The following SIDT1 variants were observed in gnomAD, a reference collection of about 807,000 sequenced individuals.
The protein encoded by SIDT1 is SID1 transmembrane family member 1.
A neutral mutation model predicts 107.5 loss-of-function variants in SIDT1; 101 were observed. That is an observed-to-expected ratio of 0.94 (90% CI 0.80 to 1.11). The LOEUF (loss-of-function observed/expected upper bound fraction) is 1.11, where lower values mean the gene tolerates loss of function less well. Ranked by LOEUF, SIDT1 falls within the 50% of genes least tolerant of loss-of-function variation. The pLI, the probability that SIDT1 is intolerant of heterozygous loss-of-function variation, is 0.00. For synonymous variants in SIDT1, 395 were observed against 398.2 expected (o/e 0.99, Z 0.10); for missense variants, 1,076 against 1,058.2 (o/e 1.02, Z -0.23).
intron 3 of SIDT1, among the ~76,000 whole-genome samples, chr3:113,571,748 A>C (rs1391017761): frequency 1.3e-5 from 2 of 152,244 alleles, no homozygotes; most frequent in African/African-American, 4.8e-5. Flanking sequence ...AACCTGGCCA[A>C]TATGGTGAAA....
At chr3:113,581,544 G>T (rs1207635024) in intron 6 of SIDT1, 100 bp downstream of exon 6, 5 of 906,570 alleles carry the variant, frequency 5.5e-6, no homozygotes, top group Admixed American at 1.9e-5. Context: ...TCCATGATGT[G>T]CCTAGGATCT....
downstream of SIDT1, among the ~76,000 whole-genome samples, chr3:113,631,073 T>C (rs1947090147): frequency 7.3e-6 from 1 of 137,502 alleles, no homozygotes. Flanking sequence ...AATATCCTTA[T>C]TCCAACTGAG....
intron 1 of SIDT1, among the ~76,000 whole-genome samples, chr3:113,533,543 A>G (rs982113161): frequency 1.3e-5 from 2 of 152,160 alleles, no homozygotes; most frequent in African/African-American, 2.4e-5. Context: ...TTTCTCCAGG[A>G]AAGTCCTGAT....
chr3:113,571,102 T>C (rs1448038180), intron 3 of SIDT1, among the ~76,000 whole-genome samples: 1 of 152,238 alleles, frequency 6.6e-6, no homozygotes, highest in Non-Finnish European at 1.5e-5. Context: ...AATATGTCTC[T>C]CAATTCCATG....
intron 4 of SIDT1, among the ~76,000 whole-genome samples, chr3:113,580,206 A>C (rs1943221182): frequency 6.6e-6 from 1 of 152,124 alleles, no homozygotes; most frequent in African/African-American, 2.4e-5. Flanking sequence ...TCAATATGGA[A>C]TTTTCGTATG....
At chr3:113,565,808 T>C (rs560069750) in intron 1 of SIDT1, among the ~76,000 whole-genome samples, 1 of 152,310 alleles carries the variant, frequency 6.6e-6, no homozygotes, top group South Asian at 2.1e-4. Context: ...AGGCCATCTG[T>C]TAGGCTTTAA....
intron 9 of SIDT1, among the ~76,000 whole-genome samples, chr3:113,592,303 A>G (rs1944216532): frequency 6.6e-6 from 1 of 152,246 alleles, no homozygotes; most frequent in Non-Finnish European, 1.5e-5. Flanking sequence ...AAAAATCACA[A>G]TTATTTTCGC....
At chr3:113,604,487 C>A (rs2107679213) in intron 13 of SIDT1, among the ~76,000 whole-genome samples, 1 of 152,278 alleles carries the variant, frequency 6.6e-6, no homozygotes, top group East Asian at 1.9e-4. Flanking sequence ...AAGAGATAGG[C>A]CCTCATAAAT....
chr3:113,601,453 G>A lies in SIDT1; in HGVS notation c.1046-135G>A, dbSNP rs1162159971. The A allele has an allele frequency of 1.8e-5, 10 of 564,470 alleles. No homozygotes were observed. The East Asian group carries it at 3.1e-4, about 18-fold the overall frequency. The allele number at this position is 564,470 out of a possible 1,614,324, so 35.0% of individuals were successfully genotyped here. A position where few individuals can be genotyped will look rare whatever the true frequency, so the allele number is the denominator to read the frequency against. ...GATTTGGCAGATGGGTCATAGTTTT[G>A]GTGACTCCTGTATTAGTGTAAAAAG... On this transcript the variant is annotated intron_variant, in intron 10 of 24. Transcript: ENST00000264852.
intron 1 of SIDT1, among the ~76,000 whole-genome samples, chr3:113,544,731 A>G (rs1939380604): frequency 6.6e-6 from 1 of 152,154 alleles, no homozygotes; most frequent in Admixed American, 6.5e-5. Context: ...TTTCCCTATT[A>G]CTAGTATGGT....
chr3:113,584,781 C>G lies in SIDT1; in HGVS notation c.907+12C>G. On this transcript the variant is annotated intron_variant, in intron 8 of 24. Transcript: ENST00000264852. ...CCCTTCCATTAAAGGTCAGTGTTGG[C>G]TCCAGAATGCATTGAAGAGATTCCT... 6.4e-7 allele frequency: 1 copy of G among 1,556,472 alleles called. No individual in the cohort carries two copies. The highest frequency in any genetic ancestry group is 8.7e-7 in the Non-Finnish European group (1 of 1,152,220).
chr3:113,585,111 C>T, intron 8 of SIDT1, 66 bp from the exon 9 acceptor site: 1 of 1,147,224 alleles, frequency 8.7e-7, no homozygotes, highest in South Asian at 1.3e-5. Context: ...TTAAGCCGTC[C>T]TGTCTCAGAT....
At chr3:113,584,954 A>G (rs1306195207) in intron 8 of SIDT1, among the ~76,000 whole-genome samples, 185 bp downstream of exon 8, 3 of 152,144 alleles carry the variant, frequency 2.0e-5, no homozygotes, top group Admixed American at 6.5e-5. Flanking sequence ...AGGGACCTCA[A>G]TCGTGAAGTC....
intron 8 of SIDT1, among the ~76,000 whole-genome samples, 171 bp from the exon 9 acceptor site, chr3:113,585,006 G>A (rs1212182296): frequency 6.6e-6 from 1 of 152,182 alleles, no homozygotes; most frequent in Non-Finnish European, 1.5e-5. Context: ...GTGAAAGGTA[G>A]CTACTGTGGA....
At chr3:113,620,530 A>G (rs971267581) in intron 21 of SIDT1, among the ~76,000 whole-genome samples, 4 of 152,028 alleles carry the variant, frequency 2.6e-5, no homozygotes, top group African/African-American at 7.2e-5. Flanking sequence ...CTGTAATCCC[A>G]GTGAACAGTA....
chr3:113,617,718 C>T (rs752765561), intron 20 of SIDT1, among the ~76,000 whole-genome samples: 11 of 152,150 alleles, frequency 7.2e-5, no homozygotes, highest in South Asian at 2.1e-4. Flanking sequence ...GTAATGTTTT[C>T]GTTTTTTACA....
chr3:113,623,399 G>A, intron 21 of SIDT1, 28 bp from the exon 22 acceptor site: 2 of 1,479,738 alleles, frequency 1.4e-6, no homozygotes, highest in Non-Finnish European at 9.5e-7. Context: ...CACCTTCACG[G>A]CTGCCCACAT....
At chr3:113,633,974 C>T (rs1039845676), downstream of SIDT1, among the ~76,000 whole-genome samples, 6 of 152,280 alleles carry the variant, frequency 3.9e-5, no homozygotes, top group Non-Finnish European at 5.9e-5. Context: ...ACAGCCTGGC[C>T]TGTCCTGCCC....
intron 19 of SIDT1, among the ~76,000 whole-genome samples, chr3:113,615,506 T>C (rs533573029): frequency 6.6e-6 from 1 of 152,228 alleles, no homozygotes; most frequent in East Asian, 1.9e-4. Flanking sequence ...CATATCATCC[T>C]TTTCAACTGT....
Sources: allele counts gnomAD v4.1 joint callset (sites outside exome capture counted in the v4.1 genomes callset), GRCh38; gene constraint gnomAD v4.1.1; transcripts MANE v1.5; gene names NCBI Gene and HGNC (gene_info 2026-07-23, HGNC 2026-07-21).